The following PRRC2B variants were observed in gnomAD, a reference collection of about 807,000 sequenced individuals.
The protein encoded by PRRC2B is proline rich coiled-coil 2B.
A neutral mutation model predicts 242.3 loss-of-function variants in PRRC2B; 68 were observed. That is an observed-to-expected ratio of 0.28 (90% CI 0.23 to 0.34). The LOEUF (loss-of-function observed/expected upper bound fraction) is 0.34. Ranked by LOEUF, PRRC2B falls within the 10% of genes least tolerant of loss-of-function variation. PRRC2B has a pLI of 1.00. For synonymous variants in PRRC2B, 1,228 were observed against 1,173.6 expected (o/e 1.05, Z -0.95); for missense variants, 2,835 against 2,954.8 (o/e 0.96, Z 0.94).
At chr9:131,380,286 C>G (rs1178888041) in intron 1 of PRRC2B, among the ~76,000 whole-genome samples, 2 of 8,420 alleles carry the variant, frequency 2.4e-4, no homozygotes, top group African/African-American at 4.4e-4. Context: ...TAAAAGAGTT[C>G]TTAAGCTGGG....
chr9:131,447,442 G>A (rs545421416), intron 8 of PRRC2B, among the ~76,000 whole-genome samples: 1 of 152,270 alleles, frequency 6.6e-6, no homozygotes, highest in South Asian at 2.1e-4. Flanking sequence ...TGTTGCTGCT[G>A]CCCTAGGCCT....
At chr9:131,432,573 T>C (rs1312846653) in intron 2 of PRRC2B, 44 bp from the exon 3 acceptor site, 3 of 1,574,510 alleles carry the variant, frequency 1.9e-6, no homozygotes, top group African/African-American at 2.7e-5. Context: ...TTTCCTTCTG[T>C]GACCTTTTTG....
Position 131,491,446 on chromosome 9 carries a change from T to C in PRRC2B, c.6247T>C (p.Tyr2083His), listed in dbSNP as rs747074661. ...LPQLTMPLPR[Y>H]GSGQQPLILP... ...GCAGCTGACCATGCCACTGCCTCGG[T>C]ACGGCTCCGGGCAGCAGCCACTGAT... Residue 2083 changes from tyrosine to histidine, a missense_variant, in exon 29 of 32, where the codon TAC becomes CAC. By Grantham distance (83) the Tyr-to-His change is moderately conservative. Coordinates refer to ENST00000683519, the MANE Select transcript of PRRC2B (RefSeq NM_013318.4). The C allele has an allele frequency of 1.2e-6, 2 of 1,608,672 alleles. No individual in the cohort carries two copies. The highest frequency in any genetic ancestry group is 2.2e-5 in the East Asian group (1 of 44,576).
chr9:131,476,175 A>T lies in PRRC2B; in HGVS notation c.4046A>T (p.Asp1349Val). The change falls in exon 16 of 32, where the codon GAC becomes GTC. Residue 1349 changes from aspartate to valine, a missense_variant. Physicochemically the swap from Asp to Val is radical, Grantham distance 152. Around this residue, in one of 7 missense-constraint regions of PRRC2B, gnomAD observed 1,536 missense variants for 1,483.1 expected, o/e 1.04. Coordinates refer to ENST00000683519, the MANE Select transcript of PRRC2B (RefSeq NM_013318.4). The stretch of plus-strand genomic sequence containing the variant: ...GGCAGGCCCAAACTGTGTTCTGGGG[A>T]CAAGAGTGGCACTGTGGGCCGCAGG... Reference protein sequence around the residue: ...WPGRPKLCSGDKSGTVGRRSP... With the variant: ...WPGRPKLCSGVKSGTVGRRSP... 1.2e-6 allele frequency: 2 copies of T among 1,613,436 alleles called. No individual in the cohort carries two copies. Among genetic ancestry groups the T allele is most frequent in the Non-Finnish European group, 8.5e-7 (1 of 1,179,874 alleles).
intron 28 of PRRC2B, among the ~76,000 whole-genome samples, chr9:131,489,809 G>A (rs1163196480): frequency 1.3e-5 from 2 of 152,036 alleles, no homozygotes; most frequent in African/African-American, 4.8e-5. Flanking sequence ...CTTCCCGTCA[G>A]TACACAGACG....
intron 1 of PRRC2B, among the ~76,000 whole-genome samples, chr9:131,424,279 T>C (rs979500078): frequency 1.3e-5 from 2 of 151,944 alleles, no homozygotes; most frequent in South Asian, 2.1e-4. Context: ...GTTGTCAACA[T>C]TGATGGGCTT....
intron 1 of PRRC2B, among the ~76,000 whole-genome samples, chr9:131,412,330 C>T (rs576317555): frequency 9.2e-5 from 14 of 152,022 alleles, no homozygotes; most frequent in Admixed American, 3.9e-4. Context: ...TTTTTTTGTG[C>T]GTTTCATCTG....
chr9:131,374,548 CAG>C (rs1047621597), intron 1 of PRRC2B, among the ~76,000 whole-genome samples: 2 of 151,282 alleles, frequency 1.3e-5, no homozygotes, highest in African/African-American at 4.9e-5. Flanking sequence ...TATTTTGAGA[CAG>C]AGTCTCACTC....
chr9:131,460,697 C>T (rs1259206119), intron 11 of PRRC2B, among the ~76,000 whole-genome samples: 3 of 152,210 alleles, frequency 2.0e-5, no homozygotes, highest in South Asian at 2.1e-4. Context: ...TCTACTCTCA[C>T]CTGGTTGGCC....
At chr9:131,449,170 A>G (rs765686028) in intron 9 of PRRC2B, among the ~76,000 whole-genome samples, 7 of 152,198 alleles carry the variant, frequency 4.6e-5, no homozygotes, top group Non-Finnish European at 1.5e-5. Context: ...TATTCATTCA[A>G]AAGCCCCACT....
chr9:131,398,574 T>A (rs1318274944), intron 1 of PRRC2B, among the ~76,000 whole-genome samples: 7 of 152,238 alleles, frequency 4.6e-5, no homozygotes, highest in African/African-American at 1.4e-4. Flanking sequence ...AGTCTTTTTC[T>A]CTGTGGGGCT....
rs753948011 is a variant in PRRC2B, at chr9:131,474,765, C to G, written c.2636C>G (p.Thr879Ser). 6.2e-7 allele frequency: 1 copy of G among 1,612,682 alleles called. No homozygotes were observed. Among genetic ancestry groups the G allele is most frequent in the South Asian group, 1.1e-5 (1 of 90,914 alleles). ...GSWDVSHQPETADTAHGVERE... is the reference protein window; with the variant it reads ...GSWDVSHQPESADTAHGVERE... ...TGGGATGTTAGCCACCAGCCAGAGACCGCTGACACAGCCCATGGTGTTGAG... is the reference window on the plus strand; with the variant it reads ...TGGGATGTTAGCCACCAGCCAGAGAGCGCTGACACAGCCCATGGTGTTGAG... Residue 879 changes from threonine (T) to serine (S), a missense_variant, in exon 16 of 32, where the codon ACC (threonine) becomes AGC (serine). Transcript: ENST00000683519.
chr9:131,465,183 C>A, intron 12 of PRRC2B, 105 bp downstream of exon 12: 1 of 1,116,208 alleles, frequency 9.0e-7, no homozygotes, highest in Non-Finnish European at 1.3e-6. Flanking sequence ...GTATGGCTTA[C>A]AACGAGATCG....
chr9:131,493,080 G>T (rs964674691), intron 30 of PRRC2B, among the ~76,000 whole-genome samples: 2 of 152,166 alleles, frequency 1.3e-5, no homozygotes, highest in African/African-American at 2.4e-5. Context: ...CCTGAGGAGC[G>T]CTCTGCAAGC....
chr9:131,473,446 C>A (rs1313797024), intron 14 of PRRC2B, 62 bp from the exon 15 acceptor site: 3 of 1,324,458 alleles, frequency 2.3e-6, no homozygotes, highest in Non-Finnish European at 3.1e-6. Context: ...CTTTGGTTGA[C>A]CCTGAGATTG....
At chr9:131,399,844 A>T (rs1459825068) in intron 1 of PRRC2B, among the ~76,000 whole-genome samples, 2 of 152,148 alleles carry the variant, frequency 1.3e-5, no homozygotes, top group Non-Finnish European at 2.9e-5. Flanking sequence ...GCCATAATTT[A>T]TTGACTCCTG....
intron 4 of PRRC2B, among the ~76,000 whole-genome samples, chr9:131,438,658 G>A (rs181594845): frequency 5.3e-5 from 8 of 152,276 alleles, no homozygotes; most frequent in African/African-American, 1.4e-4. Context: ...CTGTGGACAC[G>A]GGAGGTTCCA....
chr9:131,400,608 G>A (rs551382321), intron 1 of PRRC2B, among the ~76,000 whole-genome samples: 3 of 152,044 alleles, frequency 2.0e-5, no homozygotes, highest in Admixed American at 2.0e-4. Flanking sequence ...GTGAGCCACC[G>A]TGCCTGGACA....
At chr9:131,456,120 A>G (rs929705595) in intron 10 of PRRC2B, among the ~76,000 whole-genome samples, 2 of 152,016 alleles carry the variant, frequency 1.3e-5, no homozygotes, top group Non-Finnish European at 2.9e-5. Flanking sequence ...CTCAAAGGAA[A>G]AAGAAAAAAA....
Sources: allele counts gnomAD v4.1 joint callset (sites outside exome capture counted in the v4.1 genomes callset), GRCh38; gene constraint gnomAD v4.1.1; regional missense constraint gnomAD v4.1.1; transcripts MANE v1.5; gene names NCBI Gene and HGNC (gene_info 2026-07-23, HGNC 2026-07-21).